ASTN2: variants seen among roughly 807,000 people sequenced by gnomAD.
ASTN2 encodes astrotactin-2.
ASTN2 carries 54 observed loss-of-function variants against 139.8 expected under a neutral mutation model. The ratio of observed to expected loss-of-function variants is 0.39; its 90% CI spans 0.31 to 0.48. The LOEUF (loss-of-function observed/expected upper bound fraction) is 0.48, where lower values mean the gene tolerates loss of function less well. Among genes scored for constraint, ASTN2 ranks in the 20% least tolerant of loss-of-function variants. The probability of loss-of-function intolerance (pLI) is 0.95; values close to 1 mark genes in which losing one functional copy is unlikely to be tolerated. For missense variants in ASTN2, 1,565 were observed against 1,725.1 expected (o/e 0.91, Z 1.64); for synonymous variants, 756 against 719.5 (o/e 1.05, Z -0.81).
intron 3 of ASTN2, among the ~76,000 whole-genome samples, chr9:117,171,473 A>G (rs372842769): frequency 6.6e-6 from 1 of 152,300 alleles, no homozygotes. Context: ...TGTCTAACCT[A>G]GTACCTGGTA....
In ASTN2 at chr9:117,062,361, A is replaced by G. The variant is rs1428878390; in HGVS notation, c.1277-22396T>C. ...GACCTAAAAAGGAGCTTTTTCCCCCAATAGCCCCTTAACCTTATTGAGCAA... is the reference window on the plus strand; with the variant it reads ...GACCTAAAAAGGAGCTTTTTCCCCCGATAGCCCCTTAACCTTATTGAGCAA... On this transcript the variant is annotated intron_variant, in intron 5 of 22. Coordinates refer to ENST00000313400, the MANE Select transcript of ASTN2 (RefSeq NM_001365068.1). Among the ~76,000 whole-genome samples the G allele has an allele frequency of 2.0e-5, 3 of 152,270 alleles. No homozygotes were observed. In the East Asian group the frequency reaches 5.8e-4, roughly 29 times the overall value.
intron 19 of ASTN2, among the ~76,000 whole-genome samples, chr9:116,598,976 C>T (rs1326387629): frequency 6.6e-6 from 1 of 152,150 alleles, no homozygotes; most frequent in Admixed American, 6.5e-5. Context: ...GAAAATATTC[C>T]AAGGCATGGT....
intron 19 of ASTN2, among the ~76,000 whole-genome samples, chr9:116,499,093 C>T (rs1462995366): frequency 6.6e-6 from 1 of 152,164 alleles, no homozygotes; most frequent in Non-Finnish European, 1.5e-5. Context: ...ATCCAAACTG[C>T]CCACTCTCAG....
chr9:116,495,817 C>T (rs1040876724), intron 19 of ASTN2, among the ~76,000 whole-genome samples: 1 of 152,140 alleles, frequency 6.6e-6, no homozygotes, highest in African/African-American at 2.4e-5. Flanking sequence ...GATACAAAGA[C>T]TACTAATTAA....
chr9:116,589,482 A>G (rs1854292038), intron 19 of ASTN2, among the ~76,000 whole-genome samples: 1 of 152,206 alleles, frequency 6.6e-6, no homozygotes, highest in South Asian at 2.1e-4. Context: ...TGAGTTGTGG[A>G]GAGAGAAGGG....
At chr9:117,358,388 T>G (rs1733591017) in intron 1 of ASTN2, among the ~76,000 whole-genome samples, 1 of 148,134 alleles carries the variant, frequency 6.8e-6, no homozygotes, top group Admixed American at 6.8e-5. Flanking sequence ...AAGGTGAGGG[T>G]GTGGCTCCAT....
At chr9:116,884,800 T>TCCCC (rs146077443) in intron 10 of ASTN2, among the ~76,000 whole-genome samples, 32 of 90,436 alleles carry the variant, frequency 3.5e-4, no homozygotes, top group South Asian at 1.0e-3. Context: ...TCTCCAAATA[T>TCCCC]CCGCCCCCCC....
chr9:116,831,259 T>G (rs1831807057), intron 11 of ASTN2, among the ~76,000 whole-genome samples: 1 of 145,200 alleles, frequency 6.9e-6, no homozygotes, highest in Non-Finnish European at 1.5e-5. Flanking sequence ...GGGTACAACG[T>G]TCACTATTCA....
intron 19 of ASTN2, among the ~76,000 whole-genome samples, chr9:116,544,762 C>T (rs1852020822): frequency 6.6e-6 from 1 of 152,168 alleles, no homozygotes. Context: ...GCAAACACAA[C>T]AGCAGTTTTT....
intron 10 of ASTN2, among the ~76,000 whole-genome samples, chr9:116,903,289 C>T (rs945224763): frequency 6.6e-5 from 10 of 152,136 alleles, no homozygotes; most frequent in Admixed American, 6.5e-4. Context: ...GTTTATCATG[C>T]TATTTTTTGT....
In ASTN2 at chr9:116,807,313, C is replaced by T. The variant is rs57264885; in HGVS notation, c.2208-1493G>A. On this transcript the variant is annotated intron_variant, in intron 12 of 22. Transcript: ENST00000313400. ...CTGATGCTACAGATATAGAGCTGAA[C>T]TGGAGGCAGAAAGAAGACAAGCATA... 3.9e-3 allele frequency among the ~76,000 whole-genome samples: 592 copies of T among 152,282 alleles called. 4 individuals are homozygous for T. Among genetic ancestry groups the T allele is most frequent in the African/African-American group, 0.013 (549 of 41,572 alleles).
At chr9:116,819,736 A>C (rs1236937931) in intron 12 of ASTN2, among the ~76,000 whole-genome samples, 9 of 152,354 alleles carry the variant, frequency 5.9e-5, no homozygotes, top group African/African-American at 2.2e-4. Context: ...AGATAAGCAA[A>C]TATTCTAATA....
intron 17 of ASTN2, among the ~76,000 whole-genome samples, chr9:116,625,393 T>C (rs932620103): frequency 1.3e-5 from 2 of 152,018 alleles, no homozygotes; most frequent in Non-Finnish European, 2.9e-5. Flanking sequence ...GAGATTGCGC[T>C]ACTGCACTCC....
At chr9:117,239,442 G>A (rs901086476) in intron 2 of ASTN2, among the ~76,000 whole-genome samples, 1 of 152,146 alleles carries the variant, frequency 6.6e-6, no homozygotes, top group Non-Finnish European at 1.5e-5. Flanking sequence ...AGAGAAGCAG[G>A]CAGATGTTGG....
At chr9:116,802,626 T>G (rs1486187737) in intron 13 of ASTN2, among the ~76,000 whole-genome samples, 1 of 152,220 alleles carries the variant, frequency 6.6e-6, no homozygotes, top group Non-Finnish European at 1.5e-5. Context: ...AATGGTACAT[T>G]GGCTCAATTA....
At chr9:116,771,939 C>T (rs1829962731) in intron 13 of ASTN2, among the ~76,000 whole-genome samples, 1 of 152,236 alleles carries the variant, frequency 6.6e-6, no homozygotes, top group Non-Finnish European at 1.5e-5. Context: ...CAACATTCCA[C>T]TACTACTCAT....
At chr9:116,876,787 A>T (rs1051547425) in intron 10 of ASTN2, among the ~76,000 whole-genome samples, 9 of 152,214 alleles carry the variant, frequency 5.9e-5, no homozygotes, top group Non-Finnish European at 8.8e-5. Flanking sequence ...ATTATTTTTT[A>T]AACATGATGC....
intron 2 of ASTN2, among the ~76,000 whole-genome samples, chr9:117,281,129 C>T (rs1834314286): frequency 6.6e-6 from 1 of 152,142 alleles, no homozygotes; most frequent in Non-Finnish European, 1.5e-5. Flanking sequence ...AGAACGATAA[C>T]AGAGTAGGAA....
chr9:116,702,110 A>G (rs1827837295), intron 16 of ASTN2, among the ~76,000 whole-genome samples: 1 of 152,128 alleles, frequency 6.6e-6, no homozygotes, highest in African/African-American at 2.4e-5. Flanking sequence ...GAACTACAGC[A>G]TTGCTTACCT....
Sources: gnomAD v4.1 joint callset for allele counts (sites outside exome capture counted in the v4.1 genomes callset) on GRCh38, gnomAD v4.1.1 for gene constraint, MANE v1.5 for transcripts, NCBI Gene and HGNC (gene_info 2026-07-23, HGNC 2026-07-21) for gene names.